Variants in CPQ observed in about 807,000 individuals in gnomAD.
The protein encoded by CPQ is carboxypeptidase Q.
CPQ carries 37 observed loss-of-function variants against 45.7 expected under a neutral mutation model. The observed-to-expected ratio is 0.81, with a 90% CI of 0.62 to 1.07. The LOEUF (loss-of-function observed/expected upper bound fraction) is 1.07, where lower values mean the gene tolerates loss of function less well. Ranked by LOEUF, CPQ falls within the 50% of genes least tolerant of loss-of-function variation. CPQ has a pLI of 0.00. For missense variants in CPQ, 537 were observed against 572.9 expected, an observed-to-expected ratio of 0.94 and a Z score of 0.64; for synonymous variants, 186 against 205.8, an observed-to-expected ratio of 0.90 and a Z score of 0.82.
At chr8:96,744,582 C>T in intron 1 of CPQ, among the ~76,000 whole-genome samples, 1 of 152,074 alleles carries the variant, frequency 6.6e-6, no homozygotes, top group Non-Finnish European at 1.5e-5. Context: ...TATCAATAAT[C>T]CTTTTGCCTT....
chr8:96,873,206 C>A (rs926182335), intron 3 of CPQ, among the ~76,000 whole-genome samples: 3 of 151,712 alleles, frequency 2.0e-5, no homozygotes, highest in Non-Finnish European at 4.4e-5. Context: ...GAATAGAATT[C>A]AATAATTTGA....
intron 3 of CPQ, among the ~76,000 whole-genome samples, chr8:96,872,435 T>C (rs540716511): frequency 1.3e-5 from 2 of 152,064 alleles, no homozygotes; most frequent in South Asian, 4.1e-4. Context: ...TTCCCATAGC[T>C]TATACGGTAC....
intron 7 of CPQ, among the ~76,000 whole-genome samples, chr8:97,078,416 C>T (rs1308974693): frequency 6.6e-6 from 1 of 152,112 alleles, no homozygotes; most frequent in Admixed American, 6.6e-5. Flanking sequence ...CTAGGAAACA[C>T]TTTTTTTCTC....
At chr8:96,854,810 T>A (rs1465045463) in intron 3 of CPQ, among the ~76,000 whole-genome samples, 1 of 152,102 alleles carries the variant, frequency 6.6e-6, no homozygotes, top group Non-Finnish European at 1.5e-5. Flanking sequence ...ATTGTGTAAT[T>A]CCAATCCTAA....
chr8:96,983,345 T>G (rs1682385678), intron 5 of CPQ, among the ~76,000 whole-genome samples: 1 of 152,200 alleles, frequency 6.6e-6, no homozygotes, highest in Admixed American at 6.5e-5. Flanking sequence ...TTTAGCTGCA[T>G]TTTGCAAGTT....
intron 4 of CPQ, among the ~76,000 whole-genome samples, chr8:96,964,911 C>A (rs1354789419): frequency 6.6e-6 from 1 of 151,970 alleles, no homozygotes; most frequent in Non-Finnish European, 1.5e-5. Flanking sequence ...ATTCTATATA[C>A]CCCAGCATCA....
intron 4 of CPQ, among the ~76,000 whole-genome samples, chr8:96,937,912 T>C (rs1813075243): frequency 6.6e-6 from 1 of 152,196 alleles, no homozygotes; most frequent in African/African-American, 2.4e-5. Flanking sequence ...ACAGGGAATG[T>C]TGAGATAAAA....
At chr8:96,953,521 C>T (rs1442457303) in intron 4 of CPQ, among the ~76,000 whole-genome samples, 1 of 152,132 alleles carries the variant, frequency 6.6e-6, no homozygotes, top group Non-Finnish European at 1.5e-5. Context: ...TATTCTGCTG[C>T]TCTTCAAGCA....
At chr8:96,698,126 AC>A (rs970845267) in intron 1 of CPQ, among the ~76,000 whole-genome samples, 1 of 152,118 alleles carries the variant, frequency 6.6e-6, no homozygotes, top group Non-Finnish European at 1.5e-5. Flanking sequence ...AGTAACCAAA[AC>A]AGTATGGCAC....
At chr8:96,807,477 C>T (rs1811099286) in intron 2 of CPQ, among the ~76,000 whole-genome samples, 1 of 152,160 alleles carries the variant, frequency 6.6e-6, no homozygotes, top group African/African-American at 2.4e-5. Flanking sequence ...TCGTGATCCA[C>T]CCGCCTGGAC....
At chr8:96,801,706 G>A (rs1331028910) in intron 2 of CPQ, among the ~76,000 whole-genome samples, 1 of 152,112 alleles carries the variant, frequency 6.6e-6, no homozygotes, top group Non-Finnish European at 1.5e-5. Flanking sequence ...AATGTTCCTA[G>A]GAGAGTAGAT....
chr8:96,854,869 C>T (rs191182821), intron 3 of CPQ, among the ~76,000 whole-genome samples: 12 of 152,288 alleles, frequency 7.9e-5, no homozygotes, highest in African/African-American at 2.9e-4. Flanking sequence ...ACTTCAAATG[C>T]AAAGGCAGGA....
chr8:96,759,326 G>T (rs906594608), intron 1 of CPQ, among the ~76,000 whole-genome samples: 1 of 152,062 alleles, frequency 6.6e-6, no homozygotes, highest in Non-Finnish European at 1.5e-5. Flanking sequence ...AAGAAAATGG[G>T]CTGTTGAATT....
intron 3 of CPQ, among the ~76,000 whole-genome samples, chr8:96,848,993 C>T (rs1811736077): frequency 6.6e-6 from 1 of 152,120 alleles, no homozygotes; most frequent in Non-Finnish European, 1.5e-5. Flanking sequence ...CTCTTTCTGT[C>T]AATAAACTGT....
At chr8:96,667,594 C>A (rs2130717510) in intron 1 of CPQ, among the ~76,000 whole-genome samples, 1 of 152,124 alleles carries the variant, frequency 6.6e-6, no homozygotes, top group South Asian at 2.1e-4. Flanking sequence ...CGTGATCTGC[C>A]CGCCTCGGCT....
intron 2 of CPQ, among the ~76,000 whole-genome samples, chr8:96,827,257 C>T (rs182528716): frequency 2.4e-4 from 37 of 152,108 alleles, no homozygotes; most frequent in African/African-American, 7.9e-4. Flanking sequence ...CTCTTATGTC[C>T]TATTCTTCTG....
Position 96,835,152 on chromosome 8 carries a change from C to T in CPQ, c.613C>T (p.Arg205Ter), listed in dbSNP as rs1811513214. Residue 205 changes from arginine to a stop codon, truncating the protein, a stop_gained, in exon 3 of 8, where the codon CGA becomes TGA. Transcript: ENST00000220763. LOFTEE classifies it high-confidence loss of function. Reference protein sequence around the residue: ...AKVGALASLIRSVASFSIYSP... With the variant: ...AKVGALASLI The stretch of plus-strand genomic sequence containing the variant: ...GGTGGGGGCTTTGGCATCTCTCATT[C>T]GATCCGTGGCCTCCTTCTCCATCTA... The T allele has an allele frequency of 1.9e-6, 3 of 1,545,330 alleles. No individual in the cohort carries two copies. The highest frequency in any genetic ancestry group is 2.6e-6 in the Non-Finnish European group (3 of 1,141,356).
intron 4 of CPQ, among the ~76,000 whole-genome samples, chr8:96,914,272 T>G (rs1372961163): frequency 3.3e-5 from 5 of 152,134 alleles, no homozygotes; most frequent in Non-Finnish European, 1.5e-5. Flanking sequence ...TACTACAAGC[T>G]AAATATGAGA....
chr8:97,139,067 A>G (rs16895257), intron 7 of CPQ, among the ~76,000 whole-genome samples: 12,360 of 152,256 alleles, frequency 0.081, 732 homozygotes, highest in African/African-American at 0.15. Flanking sequence ...GGCTGCCAGT[A>G]AAACGATGGG....
Sources: allele counts gnomAD v4.1 joint callset (sites outside exome capture counted in the v4.1 genomes callset), GRCh38; gene constraint gnomAD v4.1.1; transcripts MANE v1.5; gene names NCBI Gene and HGNC (gene_info 2026-07-23, HGNC 2026-07-21).